The following EEA1 variants were observed in gnomAD, a reference collection of about 807,000 sequenced individuals.
The protein encoded by EEA1 is early endosome antigen 1.
EEA1 carries 111 observed loss-of-function variants against 209.2 expected under a neutral mutation model. That is an observed-to-expected ratio of 0.53 (90% CI 0.45 to 0.62). EEA1 has a LOEUF of 0.62. EEA1 is among the 20% of genes least tolerant of loss of function. The probability of loss-of-function intolerance (pLI) is 0.00; values close to 1 mark genes in which losing one functional copy is unlikely to be tolerated. For missense variants in EEA1, 1,343 were observed against 1,530.8 expected (o/e 0.88, Z 2.05); for synonymous variants, 536 against 540.6 (o/e 0.99, Z 0.12).
intron 1 of EEA1, among the ~76,000 whole-genome samples, chr12:92,904,844 C>T (rs1880304617): frequency 6.6e-6 from 1 of 152,208 alleles, no homozygotes; most frequent in African/African-American, 2.4e-5. Context: ...ACCCTCCCAG[C>T]ACATGAATGC....
intron 9 of EEA1, among the ~76,000 whole-genome samples, chr12:92,845,335 TA>T (rs950864897): frequency 1.4e-4 from 21 of 152,180 alleles, no homozygotes; most frequent in Non-Finnish European, 2.9e-5. Flanking sequence ...TATGAATCAT[TA>T]ATCTTTTACA....
chr12:92,828,046 G>A lies in EEA1; in HGVS notation c.1270C>T (p.Leu424=), dbSNP rs1375762384. ...TCCCCTAGTTGGCGCTCTGTCTCCA[G>A]AAGTTTGCTATGTAACTTTAAAAAA... The part of the protein sequence containing the change: ...SEINQLHSKL[L]ETERQLGEAH... Residue 424 remains leucine (L), a synonymous_variant, in exon 12 of 29, where the codon CTG becomes TTG. Transcript: ENST00000322349. The A allele has an allele frequency of 3.8e-6, 6 of 1,567,176 alleles. No individual in the cohort carries two copies. Among genetic ancestry groups the A allele is most frequent in the Non-Finnish European group, 2.6e-6 (3 of 1,162,128 alleles).
chr12:92,841,834 T>C (rs1877174403), intron 10 of EEA1, among the ~76,000 whole-genome samples: 1 of 152,132 alleles, frequency 6.6e-6, no homozygotes, highest in South Asian at 2.1e-4. Flanking sequence ...CCTCAAATAA[T>C]TAAAAATAGA....
rs1803528 is a variant in EEA1 at position 92,799,041 on chromosome 12, G to A, written c.2818C>T (p.Leu940Phe). The A allele has an allele frequency of 1.2e-6, 2 of 1,607,998 alleles. No individual in the cohort carries two copies. The highest frequency in any genetic ancestry group is 1.3e-5 in the African/African-American group (1 of 74,434). ...TTTAAAGTATTCTGGGCCTGTATAA[G>A]TTGTTCCTGCATTGAATTGAGTTCC... is the stretch of plus-strand genomic sequence containing the variant. ...KLELNSMQEQ[L>F]IQAQNTLKQN... is the part of the protein sequence containing the mutation. Residue 940 changes from leucine (L) to phenylalanine (F), a missense_variant, in exon 21 of 29, where the codon CTT becomes TTT. Leu to Phe is a conservative substitution (Grantham distance 22). This residue lies in a region of EEA1 where 1,307 missense variants were observed against 1,465.5 expected (regional missense o/e 0.89). Coordinates refer to ENST00000322349, the MANE Select transcript of EEA1 (RefSeq NM_003566.4).
At chr12:92,794,956 T>C (rs911295624) in intron 21 of EEA1, among the ~76,000 whole-genome samples, 1 of 152,146 alleles carries the variant, frequency 6.6e-6, no homozygotes, top group Non-Finnish European at 1.5e-5. Flanking sequence ...TTATCCTTGA[T>C]CCTCTTCCTA....
intron 10 of EEA1, among the ~76,000 whole-genome samples, chr12:92,840,172 T>C (rs1877105779): frequency 6.6e-6 from 1 of 152,174 alleles, no homozygotes; most frequent in African/African-American, 2.4e-5. Context: ...AAATGTTAAG[T>C]TATTACAACT....
chr12:92,921,866 CAAAAAAAA>C (rs756583756), intron 1 of EEA1, among the ~76,000 whole-genome samples: 43 of 83,438 alleles, frequency 5.2e-4, no homozygotes, highest in East Asian at 4.9e-3. Context: ...GACTCTGTCT[CAAAAAAAA>C]AAAAAAAAAA....
In EEA1 at chr12:92,772,032, C is replaced by T. The variant is rs568813879; in HGVS notation, c.*3979G>A. ...TGGAGGGTTTAGAATGAAGCACATT[C>T]GAATGAAGGGATCACGGGGGTCAGA... On this transcript the variant is annotated 3_prime_UTR_variant, in exon 29 of 29. Coordinates refer to ENST00000322349, the MANE Select transcript of EEA1 (RefSeq NM_003566.4). 1 of 151,550 alleles carries T rather than the reference C, an allele frequency of 6.6e-6. No individual in the cohort carries two copies. Among genetic ancestry groups the T allele is most frequent in the Non-Finnish European group, 1.5e-5 (1 of 67,834 alleles). 9.4% of individuals were successfully genotyped at this position (151,550 alleles called of 1,614,324 possible).
rs942329628 is a variant in EEA1, at chr12:92,775,386, T to G, written c.*625A>C. The stretch of plus-strand genomic sequence containing the variant: ...CCACCCAAGAAAATTTAATTAATAT[T>G]GTTAAAACAAAAACCATTTTTGAAT... On this transcript the variant is annotated 3_prime_UTR_variant, in exon 29 of 29. Transcript: ENST00000322349. 2 of 151,808 alleles carry G rather than the reference T, an allele frequency of 1.3e-5. No homozygotes were observed. Among genetic ancestry groups the G allele is most frequent in the Non-Finnish European group, 3.0e-5 (2 of 67,766 alleles). 9.4% of individuals were successfully genotyped at this position (151,808 alleles called of 1,614,324 possible). A position where few individuals can be genotyped will look rare whatever the true frequency, so the allele number is the denominator to read the frequency against.
chr12:92,929,258 AGAGCGAGCGAACGACTAG>A lies in EEA1; in HGVS notation c.-210_-193del. ...GGCGGCGAGAGGGAGCACGCGAGAG[AGAGCGAGCGAACGACTAG>A]GCAGCCTGCGAGCGCCTCCAGCCCG... On this transcript the variant is annotated 5_prime_UTR_variant, in exon 1 of 29. Coordinates refer to ENST00000322349, the MANE Select transcript of EEA1 (RefSeq NM_003566.4). The A allele has an allele frequency of 5.1e-6, 2 of 390,434 alleles. No homozygotes were observed. The highest frequency in any genetic ancestry group is 4.6e-6 in the Non-Finnish European group (1 of 218,976). 24.2% of individuals were successfully genotyped at this position (390,434 alleles called of 1,614,324 possible).
At chr12:92,803,214 C>T (rs1418933660) in intron 18 of EEA1, among the ~76,000 whole-genome samples, 1 of 151,776 alleles carries the variant, frequency 6.6e-6, no homozygotes, top group Non-Finnish European at 1.5e-5. Context: ...AGAAAAAAAT[C>T]AAAGAAAGAA....
intron 2 of EEA1, among the ~76,000 whole-genome samples, chr12:92,881,344 C>T (rs1879131516): frequency 6.6e-6 from 1 of 151,846 alleles, no homozygotes; most frequent in African/African-American, 2.4e-5. Flanking sequence ...CACTTGAGCC[C>T]GGGAGATCGA....
intron 18 of EEA1, among the ~76,000 whole-genome samples, chr12:92,804,001 C>A (rs1378262774): frequency 6.6e-6 from 1 of 151,300 alleles, no homozygotes; most frequent in Non-Finnish European, 1.5e-5. Context: ...TTTTAAGTAA[C>A]TAAGGGAAGA....
intron 2 of EEA1, among the ~76,000 whole-genome samples, chr12:92,869,624 T>C (rs1878543820): frequency 6.7e-6 from 1 of 150,248 alleles, no homozygotes; most frequent in South Asian, 2.1e-4. Flanking sequence ...GGCATGCTGA[T>C]GCACCCTTGT....
In EEA1 at chr12:92,852,066, C is replaced by T. The variant is rs947627632; in HGVS notation, c.642+109G>A. ...GTAGAATATAGGGAATTGCTTATTT[C>T]CTGATTTCACTCAAATTATATTTTT... On this transcript the variant is annotated intron_variant, in intron 8 of 28. Transcript: ENST00000322349. The T allele has an allele frequency of 5.7e-6, 5 of 871,998 alleles. No homozygotes were observed. In the East Asian group the frequency reaches 1.5e-4, roughly 26 times the overall value. The allele number at this position is 871,998 out of a possible 1,614,324, so 54.0% of individuals were successfully genotyped here.
At chr12:92,825,303 T>C (rs1014717631) in intron 13 of EEA1, among the ~76,000 whole-genome samples, 2 of 151,860 alleles carry the variant, frequency 1.3e-5, no homozygotes, top group Non-Finnish European at 2.9e-5. Flanking sequence ...CACAAAAAAT[T>C]AGCCGGGCAC....
At chr12:92,794,586 A>C (rs1460262899) in intron 21 of EEA1, among the ~76,000 whole-genome samples, 1 of 152,180 alleles carries the variant, frequency 6.6e-6, no homozygotes. Context: ...TTTCAGGGAC[A>C]TGGATGAAGC....
chr12:92,929,083 G>C lies in EEA1; in HGVS notation c.-17C>G, dbSNP rs1406555396. 3 of 1,587,780 alleles carry C rather than the reference G, an allele frequency of 1.9e-6. No homozygotes were observed. The highest frequency in any genetic ancestry group is 2.3e-5 in the South Asian group (2 of 87,904). On this transcript the variant is annotated 5_prime_UTR_variant, in exon 1 of 29. Coordinates refer to ENST00000322349, the MANE Select transcript of EEA1 (RefSeq NM_003566.4). ...CCTTAACATGGTTTAACCACCACCC[G>C]GCGCCGCCGCGGTGACTCTCCAGAC... is the stretch of plus-strand genomic sequence containing the variant.
At chr12:92,872,990 T>A (rs561325999) in intron 2 of EEA1, among the ~76,000 whole-genome samples, 2 of 152,022 alleles carry the variant, frequency 1.3e-5, no homozygotes, top group African/African-American at 4.8e-5. Context: ...GAGACTAGAA[T>A]TGAAAGCATC....
Sources: allele counts gnomAD v4.1 joint callset (sites outside exome capture counted in the v4.1 genomes callset), GRCh38; gene constraint gnomAD v4.1.1; regional missense constraint gnomAD v4.1.1; transcripts MANE v1.5; gene names NCBI Gene and HGNC (gene_info 2026-07-23, HGNC 2026-07-21).